Variants in PARVA observed in about 807,000 individuals in gnomAD.
The protein encoded by PARVA is alpha-parvin.
Under a neutral mutation model 52.6 loss-of-function variants are expected in PARVA, and 25 were observed. That is an observed-to-expected ratio of 0.48 (90% confidence interval 0.35 to 0.66). The LOEUF is 0.66. PARVA is among the 30% of genes least tolerant of loss of function. The probability of loss-of-function intolerance (pLI) is 0.01; values close to 1 mark genes in which losing one functional copy is unlikely to be tolerated. For missense variants in PARVA, 373 were observed against 450.9 expected (o/e 0.83, Z 1.56); for synonymous variants, 185 against 179.1 (o/e 1.03, Z -0.26).
intron 1 of PARVA, among the ~76,000 whole-genome samples, chr11:12,456,685 C>T (rs1940702111): frequency 6.6e-6 from 1 of 152,064 alleles, no homozygotes; most frequent in Non-Finnish European, 1.5e-5. Flanking sequence ...TGTCTTGTTC[C>T]CTCTTCACCT....
chr11:12,386,911 G>A (rs936029348), intron 1 of PARVA, among the ~76,000 whole-genome samples: 12 of 152,174 alleles, frequency 7.9e-5, no homozygotes, highest in Admixed American at 2.0e-4. Context: ...CCTCTGTGTC[G>A]GGAGGAGGAG....
At chr11:12,402,249 C>CACAGAAGAGGGCCTCAGCAGA (rs1385398030) in intron 1 of PARVA, among the ~76,000 whole-genome samples, 1 of 152,144 alleles carries the variant, frequency 6.6e-6, no homozygotes, top group East Asian at 1.9e-4. Flanking sequence ...AAGCCATAGG[C>CACAGAAGAGGGCCTCAGCAGA]ACAGAAGAGG....
chr11:12,503,333 A>C (rs1941386149), intron 5 of PARVA, among the ~76,000 whole-genome samples: 1 of 152,148 alleles, frequency 6.6e-6, no homozygotes, highest in Admixed American at 6.5e-5. Flanking sequence ...CAGTCTTGAG[A>C]CAAGGGTAGT....
intron 3 of PARVA, among the ~76,000 whole-genome samples, chr11:12,475,080 GA>G (rs1940990813): frequency 6.6e-6 from 1 of 152,174 alleles, no homozygotes; most frequent in Non-Finnish European, 1.5e-5. Flanking sequence ...CGACTCCTAA[GA>G]GGTGGTGTTT....
chr11:12,411,264 C>T (rs1021859397), intron 1 of PARVA, among the ~76,000 whole-genome samples: 5 of 152,120 alleles, frequency 3.3e-5, no homozygotes, highest in Admixed American at 2.6e-4. Flanking sequence ...ACCACAATTA[C>T]CTTTGCACCA....
At chr11:12,495,206 C>A (rs1941283778) in intron 4 of PARVA, among the ~76,000 whole-genome samples, 1 of 152,114 alleles carries the variant, frequency 6.6e-6, no homozygotes, top group African/African-American at 2.4e-5. Context: ...CTAAAGAGAA[C>A]ATTTCAGGCC....
At chr11:12,469,291 C>T (rs982010386) in intron 1 of PARVA, among the ~76,000 whole-genome samples, 16 of 151,554 alleles carry the variant, frequency 1.1e-4, no homozygotes, top group African/African-American at 3.6e-4. Context: ...AACAAAAGCC[C>T]CTTTTCTCAC....
At chr11:12,404,995 G>C (rs1273101548) in intron 1 of PARVA, among the ~76,000 whole-genome samples, 1 of 152,156 alleles carries the variant, frequency 6.6e-6, no homozygotes. Context: ...ATCTGGGCTG[G>C]GTCAGCTACC....
rs1246162181 is a variant in PARVA at position 12,524,206 on chromosome 11, CAG to C, written c.1043-3641_1043-3640del. Among the ~76,000 whole-genome samples the C allele has an allele frequency of 3.9e-5, 6 of 152,302 alleles. No individual in the cohort carries two copies. The East Asian group carries it at 1.2e-3, about 29-fold the overall frequency. ...CTGCTAATGGGCAAAGATGGGAAAACAGAAAGAAAACTACCATTTAGGGGACC... is the reference window on the plus strand; with the variant it reads ...CTGCTAATGGGCAAAGATGGGAAAACAAAGAAAACTACCATTTAGGGGACC... On this transcript the variant is annotated intron_variant, in intron 12 of 12. Transcript: ENST00000334956.
chr11:12,515,761 C>T (rs1000467042), intron 10 of PARVA, among the ~76,000 whole-genome samples: 2 of 152,166 alleles, frequency 1.3e-5, no homozygotes, highest in Admixed American at 1.3e-4. Flanking sequence ...TCTGCTCTCC[C>T]GTGTCCACCT....
rs1374227278 is a variant in PARVA, at chr11:12,534,543, CTT to C, written c.*6621_*6622del. Among the ~76,000 whole-genome samples the C allele has an allele frequency of 6.6e-6, 1 of 152,202 alleles. No homozygotes were observed. Among genetic ancestry groups the C allele is most frequent in the Non-Finnish European group, 1.5e-5 (1 of 68,040 alleles). On this transcript the variant is annotated 3_prime_UTR_variant, in exon 13 of 13. Coordinates refer to ENST00000334956, the MANE Select transcript of PARVA (RefSeq NM_018222.5). Reference sequence around the variant, plus strand: ...AATGATGTTTTATCAATGAAGCAGACTTTTCATTTCTTTTTATTGATCTTCAT... The same window carrying C: ...AATGATGTTTTATCAATGAAGCAGACTTCATTTCTTTTTATTGATCTTCAT...
intron 1 of PARVA, among the ~76,000 whole-genome samples, chr11:12,452,300 A>G (rs1940633161): frequency 6.6e-6 from 1 of 152,172 alleles, no homozygotes; most frequent in Non-Finnish European, 1.5e-5. Context: ...CATGCCTAAG[A>G]TTACACACTT....
At chr11:12,513,442 G>C in intron 9 of PARVA, 82 bp downstream of exon 9, 1 of 1,263,934 alleles carries the variant, frequency 7.9e-7, no homozygotes, top group African/African-American at 1.5e-5. Flanking sequence ...CAGCTTGCGA[G>C]CTTCCTGCCA....
chr11:12,384,222 G>A (rs780309100), intron 1 of PARVA, among the ~76,000 whole-genome samples: 1 of 152,038 alleles, frequency 6.6e-6, no homozygotes, highest in Non-Finnish European at 1.5e-5. Flanking sequence ...TTTCCTATTT[G>A]GAGAAAGTCT....
At chr11:12,508,560 C>G in intron 6 of PARVA, 24 bp from the exon 7 acceptor site, 1 of 1,575,192 alleles carries the variant, frequency 6.3e-7, no homozygotes, top group East Asian at 2.3e-5. Flanking sequence ...CTCCTCCCAA[C>G]CCCTTTCCCC....
At chr11:12,506,958 C>T (rs987392720) in intron 6 of PARVA, among the ~76,000 whole-genome samples, 4 of 152,192 alleles carry the variant, frequency 2.6e-5, no homozygotes, top group Non-Finnish European at 4.4e-5. Flanking sequence ...AGGACAAGGA[C>T]ACAGATTCCA....
chr11:12,481,687 G>T (rs1941088603), intron 4 of PARVA, among the ~76,000 whole-genome samples: 1 of 152,172 alleles, frequency 6.6e-6, no homozygotes, highest in Admixed American at 6.5e-5. Context: ...AGGCATGACT[G>T]TTCCCAGAAA....
At chr11:12,415,252 G>C (rs1940049940) in intron 1 of PARVA, among the ~76,000 whole-genome samples, 1 of 152,168 alleles carries the variant, frequency 6.6e-6, no homozygotes, top group South Asian at 2.1e-4. Flanking sequence ...AGCAAAGATG[G>C]CATGAGAAAC....
intron 1 of PARVA, among the ~76,000 whole-genome samples, chr11:12,428,556 C>T (rs1379122228): frequency 6.6e-6 from 1 of 152,118 alleles, no homozygotes; most frequent in Non-Finnish European, 1.5e-5. Flanking sequence ...ATGCAGAGTC[C>T]CTGGCATAGT....
Sources: allele counts gnomAD v4.1 joint callset (sites outside exome capture counted in the v4.1 genomes callset), GRCh38; gene constraint gnomAD v4.1.1; transcripts MANE v1.5; gene names NCBI Gene and HGNC (gene_info 2026-07-23, HGNC 2026-07-21).